Variants in SNTG2 observed in about 807,000 individuals in gnomAD.
The protein encoded by SNTG2 is syntrophin gamma 2, also known as gamma-2-syntrophin.
SNTG2 carries 74 observed loss-of-function variants against 70.9 expected under a neutral mutation model. The ratio of observed to expected loss-of-function variants is 1.04; its 90% confidence interval spans 0.86 to 1.27. SNTG2 has a LOEUF of 1.27. SNTG2 is among the 50% of genes most tolerant of loss of function. SNTG2 has a pLI of 0.00. For missense variants in SNTG2, 717 were observed against 690.7 expected (o/e 1.04, Z -0.43); for synonymous variants, 278 against 273.8 (o/e 1.02, Z -0.15).
chr2:1,307,312 TTGTGTGTG>T (rs142934963), intron 14 of SNTG2, among the ~76,000 whole-genome samples: 33 of 139,954 alleles, frequency 2.4e-4, no homozygotes, highest in African/African-American at 6.9e-4. Flanking sequence ...CAGCCCTGCA[TTGTGTGTG>T]TGTGTGTGTG....
chr2:1,351,830 C>G lies in SNTG2; in HGVS notation c.1489-15513C>G, dbSNP rs538145150. Among the ~76,000 whole-genome samples the G allele has an allele frequency of 2.0e-4, 30 of 152,328 alleles. No individual in the cohort carries two copies. The East Asian group carries it at 4.8e-3, about 25-fold the overall frequency. Reference sequence around the variant, plus strand: ...CATGGTGGAGAATGCTCACCCCACCCTCTCTGCCAGCCCACGAGGCGCTTT... The same window carrying G: ...CATGGTGGAGAATGCTCACCCCACCGTCTCTGCCAGCCCACGAGGCGCTTT... On this transcript the variant is annotated intron_variant, in intron 16 of 16. Coordinates refer to ENST00000308624, the MANE Select transcript of SNTG2 (RefSeq NM_018968.4).
chr2:1,029,422 A>G (rs1052850276), intron 1 of SNTG2, among the ~76,000 whole-genome samples: 11 of 152,224 alleles, frequency 7.2e-5, no homozygotes, highest in Non-Finnish European at 2.9e-5. Flanking sequence ...GGTTTATTGC[A>G]TTATTGAATA....
At position 1,254,977 on chromosome 2, in the gene SNTG2, GA is replaced by G. The variant is rs1677964252; in HGVS notation, c.1006-4392del. ...AATCATTCCCCAGAGAAAATCGGCTGATAAAGTGCCTCAGAGAGGTTCACGC... is the reference window on the plus strand; with the variant it reads ...AATCATTCCCCAGAGAAAATCGGCTGTAAAGTGCCTCAGAGAGGTTCACGC... On this transcript the variant is annotated intron_variant, in intron 12 of 16. Transcript: ENST00000308624. Among the ~76,000 whole-genome samples the G allele has an allele frequency of 2.0e-5, 3 of 152,182 alleles. No homozygotes were observed. The South Asian group carries it at 6.2e-4, about 31-fold the overall frequency.
chr2:1,254,338 C>T (rs974224996), intron 12 of SNTG2, among the ~76,000 whole-genome samples: 1 of 152,150 alleles, frequency 6.6e-6, no homozygotes, highest in African/African-American at 2.4e-5. Context: ...TACTCTCCCT[C>T]GTTAGCCAGA....
intron 1 of SNTG2, among the ~76,000 whole-genome samples, chr2:997,962 G>C (rs113476746): frequency 0.035 from 5,384 of 152,244 alleles, 179 homozygotes; most frequent in Middle Eastern, 0.065. Context: ...CCGCCACTCT[G>C]TCTCTGCAAG....
chr2:1,035,024 A>C (rs1404786251), intron 1 of SNTG2, among the ~76,000 whole-genome samples: 2 of 152,194 alleles, frequency 1.3e-5, no homozygotes, highest in African/African-American at 2.4e-5. Context: ...TCTCTCAACC[A>C]CAGTGCAATA....
At chr2:1,261,882 G>A (rs1022988298) in intron 13 of SNTG2, among the ~76,000 whole-genome samples, 1 of 152,088 alleles carries the variant, frequency 6.6e-6, no homozygotes, top group African/African-American at 2.4e-5. Context: ...ACAGGGATGG[G>A]GCCCAGACTC....
intron 1 of SNTG2, among the ~76,000 whole-genome samples, chr2:1,081,842 G>T (rs1416691113): frequency 6.6e-6 from 1 of 152,256 alleles, no homozygotes; most frequent in East Asian, 1.9e-4. Flanking sequence ...ATTGGGTGCA[G>T]TTTTACTTAT....
At chr2:1,085,724 T>G (rs1162004648) in intron 2 of SNTG2, among the ~76,000 whole-genome samples, 2 of 152,262 alleles carry the variant, frequency 1.3e-5, no homozygotes, top group African/African-American at 2.4e-5. Context: ...TGACATGAAG[T>G]GTCGATGTTT....
intron 8 of SNTG2, among the ~76,000 whole-genome samples, chr2:1,208,275 T>A (rs1673786119): frequency 1.3e-5 from 1 of 75,024 alleles, no homozygotes; most frequent in Admixed American, 1.7e-4. Flanking sequence ...CCCATGAGTG[T>A]GGGGCACACC....
In SNTG2 at chr2:1,328,925, G is replaced by A. The variant is rs200247994; in HGVS notation, c.1488+12550G>A. Reference sequence around the variant, plus strand: ...CACACACACATGCACACATACACACGCACAGATTCACACATGCACATATAC... The same window carrying A: ...CACACACACATGCACACATACACACACACAGATTCACACATGCACATATAC... On this transcript the variant is annotated intron_variant, in intron 16 of 16. Coordinates refer to ENST00000308624, the MANE Select transcript of SNTG2 (RefSeq NM_018968.4). Among the ~76,000 whole-genome samples, 793 of 137,540 alleles carry A rather than the reference G, an allele frequency of 5.8e-3. 4 individuals are homozygous for A. Among genetic ancestry groups the A allele is most frequent in the African/African-American group, 0.019 (714 of 37,172 alleles). 90.2% of individuals were successfully genotyped at this position (137,540 alleles called of 152,430 possible). A position where few individuals can be genotyped will look rare whatever the true frequency, so the allele number is the denominator to read the frequency against.
At chr2:1,082,147 T>C (rs1381877910) in intron 1 of SNTG2, among the ~76,000 whole-genome samples, 2 of 152,206 alleles carry the variant, frequency 1.3e-5, no homozygotes, top group East Asian at 3.9e-4. Flanking sequence ...CCATGAGTGC[T>C]GAGGAGGCCT....
chr2:1,127,371 A>C (rs1014510006), intron 4 of SNTG2, among the ~76,000 whole-genome samples: 1 of 152,100 alleles, frequency 6.6e-6, no homozygotes, highest in African/African-American at 2.4e-5. Context: ...GCTTTATAAT[A>C]TAATCTTAGG....
At chr2:1,137,351 A>T (rs1000371604) in intron 4 of SNTG2, among the ~76,000 whole-genome samples, 1 of 149,012 alleles carries the variant, frequency 6.7e-6, no homozygotes, top group East Asian at 2.0e-4. Flanking sequence ...ATCCATGTGT[A>T]CACACAGGCA....
At chr2:1,182,102 G>A (rs768075068) in intron 8 of SNTG2, among the ~76,000 whole-genome samples, 7 of 152,078 alleles carry the variant, frequency 4.6e-5, no homozygotes, top group South Asian at 2.1e-4. Context: ...CTGATTGTGC[G>A]CATGTGCAAA....
At chr2:956,286 C>T (rs1276339525) in intron 1 of SNTG2, among the ~76,000 whole-genome samples, 2 of 150,582 alleles carry the variant, frequency 1.3e-5, no homozygotes, top group African/African-American at 4.9e-5. Flanking sequence ...CTGCACCTCC[C>T]CCTGCGCCTG....
intron 6 of SNTG2, chr2:1,159,436 C>T (rs191405530): frequency 2.0e-4 from 30 of 152,030 alleles, no homozygotes; most frequent in Middle Eastern, 3.4e-3. Flanking sequence ...AACAAAATGA[C>T]AAATGCTTTT....
At chr2:1,094,379 G>A (rs78669146) in intron 2 of SNTG2, among the ~76,000 whole-genome samples, 2 of 60,660 alleles carry the variant, frequency 3.3e-5, no homozygotes, top group African/African-American at 1.8e-4. Context: ...GGCAAGGGCT[G>A]GCTTCCTGGA....
At chr2:1,331,074 A>G (rs1457313320) in intron 16 of SNTG2, among the ~76,000 whole-genome samples, 1 of 152,192 alleles carries the variant, frequency 6.6e-6, no homozygotes, top group Non-Finnish European at 1.5e-5. Flanking sequence ...CCTTTCCAAA[A>G]GCAAGAGTCC....
Sources: allele counts gnomAD v4.1 joint callset (sites outside exome capture counted in the v4.1 genomes callset), GRCh38; gene constraint gnomAD v4.1.1; transcripts MANE v1.5; gene names NCBI Gene and HGNC (gene_info 2026-07-23, HGNC 2026-07-21).